Variants in ERI3 observed in about 807,000 individuals in gnomAD.
ERI3 encodes ERI1 exoribonuclease family member 3, also known as ERI1 exoribonuclease 3.
ERI3 carries 18 observed loss-of-function variants against 44.4 expected under a neutral mutation model. The ratio of observed to expected loss-of-function variants is 0.41; its 90% CI spans 0.28 to 0.60. The LOEUF is 0.60. Among genes scored for constraint, ERI3 ranks in the 20% least tolerant of loss-of-function variants. The pLI, the probability that ERI3 is intolerant of heterozygous loss-of-function variation, is 0.36. For synonymous variants in ERI3, 183 were observed against 164.8 expected (o/e 1.11, Z -0.84); for missense variants, 294 against 435.5 (o/e 0.68, Z 2.89).
chr1:44,281,905 T>A (rs965658201), intron 7 of ERI3, among the ~76,000 whole-genome samples: 2 of 150,598 alleles, frequency 1.3e-5, no homozygotes, highest in African/African-American at 4.9e-5. Context: ...TGTGTGTGTG[T>A]GTGTGTGTGT....
chr1:44,293,102 T>A (rs963268039), intron 6 of ERI3, among the ~76,000 whole-genome samples: 1 of 152,188 alleles, frequency 6.6e-6, no homozygotes, highest in African/African-American at 2.4e-5. Context: ...CTGGAGGGTT[T>A]TCTAGGGAGA....
chr1:44,329,837 G>A (rs145417382), intron 3 of ERI3, among the ~76,000 whole-genome samples: 7 of 152,154 alleles, frequency 4.6e-5, no homozygotes, highest in African/African-American at 1.7e-4. Flanking sequence ...GATTCCATGC[G>A]CCACTCCTTA....
intron 7 of ERI3, among the ~76,000 whole-genome samples, chr1:44,263,071 T>C (rs1196539022): frequency 6.6e-6 from 1 of 152,198 alleles, no homozygotes; most frequent in Non-Finnish European, 1.5e-5. Context: ...GGGAAAGGGA[T>C]GTTGAAATGG....
chr1:44,309,398 G>A (rs1265396989), intron 5 of ERI3, among the ~76,000 whole-genome samples: 1 of 152,046 alleles, frequency 6.6e-6, no homozygotes, highest in Admixed American at 6.5e-5. Flanking sequence ...GGGAGGCTGA[G>A]GCAGAAGAAT....
At chr1:44,269,412 G>T (rs553790523) in intron 7 of ERI3, among the ~76,000 whole-genome samples, 1 of 152,282 alleles carries the variant, frequency 6.6e-6, no homozygotes. Context: ...CACCTCTAGT[G>T]CCTAGAGTCA....
At chr1:44,336,377 T>G (rs995097388) in intron 3 of ERI3, among the ~76,000 whole-genome samples, 2 of 152,250 alleles carry the variant, frequency 1.3e-5, no homozygotes, top group African/African-American at 4.8e-5. Context: ...AGTTTCAACC[T>G]GCCGTCCCTT....
At chr1:44,264,549 G>A (rs1423227982) in intron 7 of ERI3, among the ~76,000 whole-genome samples, 1 of 152,342 alleles carries the variant, frequency 6.6e-6, no homozygotes, top group Non-Finnish European at 1.5e-5. Flanking sequence ...CAGGCTGGAC[G>A]GCGCGTGCAT....
At chr1:44,295,128 G>T (rs1645583944) in intron 6 of ERI3, among the ~76,000 whole-genome samples, 1 of 152,198 alleles carries the variant, frequency 6.6e-6, no homozygotes, top group Non-Finnish European at 1.5e-5. Context: ...GATTTTTAAA[G>T]TGTGCTCCAT....
intron 3 of ERI3, among the ~76,000 whole-genome samples, chr1:44,324,472 G>A (rs1316180782): frequency 7.2e-6 from 1 of 139,060 alleles, no homozygotes; most frequent in African/African-American, 2.6e-5. Context: ...CTGCAACATA[G>A]ACTCTTTTTT....
intron 3 of ERI3, among the ~76,000 whole-genome samples, chr1:44,329,690 C>T (rs1455094880): frequency 6.6e-6 from 1 of 152,154 alleles, no homozygotes; most frequent in Non-Finnish European, 1.5e-5. Context: ...GGCCAATGGC[C>T]AAACAATGCA....
chr1:44,226,019 G>A lies in ERI3; in HGVS notation c.932-4379C>T, dbSNP rs536897589. Among the ~76,000 whole-genome samples the A allele has an allele frequency of 8.5e-5, 13 of 152,250 alleles. 2 individuals carry two copies. The highest frequency in any genetic ancestry group is 3.1e-4 in the African/African-American group (13 of 41,536). On this transcript the variant is annotated intron_variant, in intron 8 of 8. Transcript: ENST00000372257. ...GTGTGCAGTGCTATGAGAAAAGGAC[G>A]CATGGAAAAGTTATCTAGTTCTGTT...
chr1:44,333,079 C>A (rs1247167894), intron 3 of ERI3, among the ~76,000 whole-genome samples: 1 of 152,196 alleles, frequency 6.6e-6, no homozygotes. Flanking sequence ...ACAGCTCACA[C>A]AGTCATCATA....
intron 4 of ERI3, among the ~76,000 whole-genome samples, chr1:44,318,082 C>T (rs534686929): frequency 6.6e-6 from 1 of 152,268 alleles, no homozygotes; most frequent in East Asian, 1.9e-4. Context: ...AGAAACTGTT[C>T]ATCATAGTCT....
chr1:44,270,803 A>G (rs1206255680), intron 7 of ERI3, among the ~76,000 whole-genome samples: 1 of 149,202 alleles, frequency 6.7e-6, no homozygotes, highest in Non-Finnish European at 1.5e-5. Flanking sequence ...AGCTGCCTTG[A>G]GCTGATTCCC....
intron 8 of ERI3, among the ~76,000 whole-genome samples, chr1:44,240,012 A>ACTCCCAG (rs1308208830): frequency 6.6e-6 from 1 of 151,958 alleles, no homozygotes; most frequent in Non-Finnish European, 1.5e-5. Context: ...TGTCTCCAGC[A>ACTCCCAG]CTCCCAGCTC....
At chr1:44,300,733 T>C (rs1282529559) in intron 6 of ERI3, among the ~76,000 whole-genome samples, 2 of 152,128 alleles carry the variant, frequency 1.3e-5, no homozygotes, top group Non-Finnish European at 2.9e-5. Flanking sequence ...CCCGGGGACA[T>C]GTGCAGGAGG....
At chr1:44,250,374 C>T (rs1296152385) in intron 7 of ERI3, among the ~76,000 whole-genome samples, 1 of 152,204 alleles carries the variant, frequency 6.6e-6, no homozygotes, top group Non-Finnish European at 1.5e-5. Context: ...ACATTAGATG[C>T]TTGCCCCACC....
chr1:44,318,681 CCA>C (rs1373836264), intron 4 of ERI3, among the ~76,000 whole-genome samples: 4 of 152,216 alleles, frequency 2.6e-5, no homozygotes, highest in African/African-American at 4.8e-5. Context: ...AGGCTCATCC[CCA>C]GCCTTCTTAC....
At chr1:44,336,406 G>A in intron 3 of ERI3, among the ~76,000 whole-genome samples, 1 of 152,228 alleles carries the variant, frequency 6.6e-6, no homozygotes, top group Non-Finnish European at 1.5e-5. Context: ...GTGGTCTGAT[G>A]GGTAGTCCAA....
Sources: allele counts gnomAD v4.1 joint callset (sites outside exome capture counted in the v4.1 genomes callset), GRCh38; gene constraint gnomAD v4.1.1; transcripts MANE v1.5; gene names NCBI Gene and HGNC (gene_info 2026-07-23, HGNC 2026-07-21).